The following ITFG1 variants were observed in gnomAD, a reference collection of about 807,000 sequenced individuals.
ITFG1 encodes integrin alpha FG-GAP repeat containing 1, also known as T-cell immunomodulatory protein.
In ITFG1, 34 loss-of-function variants were observed where a neutral mutation model predicts 81.8. That is an observed-to-expected ratio of 0.42 (90% CI 0.32 to 0.55). The LOEUF is 0.55. ITFG1 is among the 20% of genes least tolerant of loss of function. The probability of loss-of-function intolerance (pLI) is 0.17; values close to 1 mark genes in which losing one functional copy is unlikely to be tolerated. For synonymous variants in ITFG1, 285 were observed against 270.6 expected (o/e 1.05, Z -0.52); for missense variants, 672 against 755.4 (o/e 0.89, Z 1.29).
chr16:47,323,174 T>C (rs959718127), intron 8 of ITFG1, among the ~76,000 whole-genome samples: 2 of 152,082 alleles, frequency 1.3e-5, no homozygotes, highest in Non-Finnish European at 2.9e-5. Flanking sequence ...AGTGTGGCCT[T>C]CAAGAGGTGA....
chr16:47,416,267 AAG>A (rs1189120766), intron 6 of ITFG1, among the ~76,000 whole-genome samples: 3 of 152,172 alleles, frequency 2.0e-5, no homozygotes, highest in South Asian at 2.1e-4. Flanking sequence ...CTTAAAAAAA[AAG>A]AGATGTTAAA....
At chr16:47,174,861 G>C (rs1232869637) in intron 14 of ITFG1, among the ~76,000 whole-genome samples, 3 of 152,102 alleles carry the variant, frequency 2.0e-5, no homozygotes, top group African/African-American at 7.2e-5. Context: ...TCATCTAACG[G>C]TAATACCTAC....
At chr16:47,211,159 T>C (rs1965556405) in intron 14 of ITFG1, among the ~76,000 whole-genome samples, 1 of 152,220 alleles carries the variant, frequency 6.6e-6, no homozygotes, top group Non-Finnish European at 1.5e-5. Flanking sequence ...TCTATGAACC[T>C]TGCGTATCTC....
In ITFG1 at chr16:47,411,051, C is replaced by T. The variant is rs542741644; in HGVS notation, c.655+17753G>A. Reference sequence around the variant, plus strand: ...CAGTTCAAGTGCTTTGCTGCCAGCCCTACCTGCAGGCTTTCCAGTGACCCA... The same window carrying T: ...CAGTTCAAGTGCTTTGCTGCCAGCCTTACCTGCAGGCTTTCCAGTGACCCA... On this transcript the variant is annotated intron_variant, in intron 6 of 17. Coordinates refer to ENST00000320640, the MANE Select transcript of ITFG1 (RefSeq NM_030790.5). 2.0e-5 allele frequency among the ~76,000 whole-genome samples: 3 copies of T among 152,300 alleles called. No individual in the cohort carries two copies. The East Asian group carries it at 5.8e-4, about 29-fold the overall frequency.
At chr16:47,422,767 G>GT (rs201316653) in intron 6 of ITFG1, among the ~76,000 whole-genome samples, 129 of 151,422 alleles carry the variant, frequency 8.5e-4, no homozygotes, top group African/African-American at 2.6e-3. Context: ...AGATTTTCCA[G>GT]TTTTTTTTTC....
chr16:47,243,579 G>T (rs1343215331), intron 12 of ITFG1, among the ~76,000 whole-genome samples: 1 of 152,042 alleles, frequency 6.6e-6, no homozygotes, highest in Non-Finnish European at 1.5e-5. Context: ...TATCCACTGA[G>T]AGATAAAAAG....
chr16:47,311,582 T>C (rs1967262583), intron 9 of ITFG1, among the ~76,000 whole-genome samples, 170 bp from the exon 10 acceptor site: 1 of 146,818 alleles, frequency 6.8e-6, no homozygotes, highest in South Asian at 2.1e-4. Flanking sequence ...TAGGTGACAC[T>C]CTGGGAAAAA....
intron 14 of ITFG1, among the ~76,000 whole-genome samples, chr16:47,210,334 A>G: frequency 6.6e-6 from 1 of 152,124 alleles, no homozygotes; most frequent in East Asian, 1.9e-4. Flanking sequence ...CTACCTATGT[A>G]TCTTCTTCAG....
At chr16:47,286,052 A>T (rs1966868244) in intron 10 of ITFG1, among the ~76,000 whole-genome samples, 2 of 152,214 alleles carry the variant, frequency 1.3e-5, no homozygotes, top group Admixed American at 1.3e-4. Flanking sequence ...AGGGAGATGG[A>T]AGTAACATCA....
intron 13 of ITFG1, among the ~76,000 whole-genome samples, chr16:47,219,534 CCTT>C (rs1184839283): frequency 3.3e-5 from 5 of 152,108 alleles, no homozygotes; most frequent in African/African-American, 4.8e-5. Flanking sequence ...ATGATATACT[CCTT>C]CTCTTTAGAA....
chr16:47,376,035 A>G (rs1968320002), intron 6 of ITFG1, 95 bp from the exon 7 acceptor site: 2 of 647,040 alleles, frequency 3.1e-6, no homozygotes, highest in African/African-American at 3.7e-5. Flanking sequence ...AAAAGAATTG[A>G]CACAATTCTA....
chr16:47,341,413 AAAAG>A (rs1381393202), intron 8 of ITFG1, among the ~76,000 whole-genome samples: 1 of 149,728 alleles, frequency 6.7e-6, no homozygotes, highest in Non-Finnish European at 1.5e-5. Flanking sequence ...AAAAAAAAAA[AAAAG>A]AAAAAAAAAA....
At chr16:47,252,938 T>A (rs546124899) in intron 12 of ITFG1, among the ~76,000 whole-genome samples, 21 of 152,302 alleles carry the variant, frequency 1.4e-4, no homozygotes, top group African/African-American at 4.8e-4. Flanking sequence ...TTCCAAATGA[T>A]TGCTTTAAAT....
At chr16:47,289,546 G>C (rs1014687877) in intron 10 of ITFG1, among the ~76,000 whole-genome samples, 24 of 151,858 alleles carry the variant, frequency 1.6e-4, no homozygotes, top group African/African-American at 5.8e-4. Context: ...GGTCTGTTCA[G>C]GTATTCTGTT....
intron 8 of ITFG1, among the ~76,000 whole-genome samples, chr16:47,341,982 C>T (rs1047577051): frequency 6.6e-6 from 1 of 152,124 alleles, no homozygotes; most frequent in Admixed American, 6.5e-5. Context: ...TTGAATACCA[C>T]CAATCATTTA....
chr16:47,336,614 G>C (rs1967706771), intron 8 of ITFG1, among the ~76,000 whole-genome samples: 1 of 152,160 alleles, frequency 6.6e-6, no homozygotes, highest in Non-Finnish European at 1.5e-5. Flanking sequence ...AAAGATGATG[G>C]ATCAAGTCAT....
At chr16:47,344,719 C>T (rs140367851) in intron 8 of ITFG1, among the ~76,000 whole-genome samples, 221 of 152,302 alleles carry the variant, frequency 1.5e-3, no homozygotes, top group Non-Finnish European at 1.5e-3. Context: ...TCCCCACACA[C>T]CTCATTACCC....
chr16:47,224,028 A>G (rs1965728327), intron 13 of ITFG1, among the ~76,000 whole-genome samples: 1 of 133,102 alleles, frequency 7.5e-6, no homozygotes, highest in African/African-American at 2.8e-5. Flanking sequence ...GAACACATGG[A>G]CACAGGAAGG....
intron 6 of ITFG1, among the ~76,000 whole-genome samples, chr16:47,391,718 T>C (rs995813891): frequency 6.6e-6 from 1 of 152,204 alleles, no homozygotes; most frequent in African/African-American, 2.4e-5. Context: ...ATTAGAAATA[T>C]ATATGTGCAT....
Sources: allele counts gnomAD v4.1 joint callset (sites outside exome capture counted in the v4.1 genomes callset), GRCh38; gene constraint gnomAD v4.1.1; transcripts MANE v1.5; gene names NCBI Gene and HGNC (gene_info 2026-07-23, HGNC 2026-07-21).